Variants in KAZN observed in about 807,000 individuals in gnomAD.
KAZN encodes kazrin.
KAZN carries 40 observed loss-of-function variants against 87.4 expected under a neutral mutation model. The observed-to-expected ratio is 0.46, with a 90% CI of 0.36 to 0.60. The LOEUF (loss-of-function observed/expected upper bound fraction) is 0.60, where lower values mean the gene tolerates loss of function less well. KAZN is among the 20% of genes least tolerant of loss of function. The pLI is 0.00. For missense variants in KAZN, 898 were observed against 1,073.9 expected, an observed-to-expected ratio of 0.84 and a Z score of 2.29; for synonymous variants, 466 against 458.3, an observed-to-expected ratio of 1.02 and a Z score of -0.22.
intron 10 of KAZN, among the ~76,000 whole-genome samples, chr1:15,098,451 T>C (rs533619846): frequency 6.6e-6 from 1 of 152,376 alleles, no homozygotes; most frequent in Admixed American, 6.5e-5. Context: ...TGATTATGGA[T>C]GGGCCCCTCT....
chr1:14,066,214 A>C (rs1643003364), intron 1 of KAZN, among the ~76,000 whole-genome samples: 1 of 152,088 alleles, frequency 6.6e-6, no homozygotes, highest in Non-Finnish European at 1.5e-5. Flanking sequence ...TTATCCACTC[A>C]TCAGTTTGTG....
chr1:14,931,367 C>T (rs1401824302), intron 1 of KAZN, among the ~76,000 whole-genome samples: 2 of 152,078 alleles, frequency 1.3e-5, no homozygotes, highest in South Asian at 2.1e-4. Flanking sequence ...TTGATTGAAT[C>T]CAGGAGAAGA....
intron 2 of KAZN, among the ~76,000 whole-genome samples, chr1:14,398,189 T>C (rs1352451166): frequency 2.0e-5 from 3 of 152,232 alleles, no homozygotes; most frequent in Non-Finnish European, 4.4e-5. Context: ...TTGAGTTAGT[T>C]GGTTATGCAA....
chr1:15,058,713 G>A (rs1370055699), intron 5 of KAZN, among the ~76,000 whole-genome samples: 2 of 152,156 alleles, frequency 1.3e-5, no homozygotes, highest in South Asian at 2.1e-4. Context: ...GATATGATAT[G>A]TAAATATACT....
intron 1 of KAZN, among the ~76,000 whole-genome samples, chr1:14,958,085 C>T (rs552112278): frequency 6.6e-6 from 1 of 152,212 alleles, no homozygotes; most frequent in Non-Finnish European, 1.5e-5. Context: ...CCTCAGGGCT[C>T]AGCCCTGCTC....
chr1:14,025,771 G>A (rs1641042831), intron 1 of KAZN, among the ~76,000 whole-genome samples: 1 of 152,030 alleles, frequency 6.6e-6, no homozygotes, highest in South Asian at 2.1e-4. Flanking sequence ...TAGCCAATAT[G>A]GGTAATGGCT....
At chr1:14,386,518 A>G (rs1480320283) in intron 2 of KAZN, among the ~76,000 whole-genome samples, 13 of 151,706 alleles carry the variant, frequency 8.6e-5, no homozygotes, top group Non-Finnish European at 1.6e-4. Flanking sequence ...GGTGGTGACA[A>G]AATCTCTCAG....
intron 2 of KAZN, among the ~76,000 whole-genome samples, chr1:15,027,332 G>A (rs1365096393): frequency 4.6e-5 from 7 of 151,402 alleles, no homozygotes; most frequent in African/African-American, 1.7e-4. Context: ...TGCCCGCCTC[G>A]GCCTCCCAAA....
chr1:14,609,087 A>G (rs1401431818), intron 1 of KAZN, among the ~76,000 whole-genome samples: 1 of 152,202 alleles, frequency 6.6e-6, no homozygotes, highest in Non-Finnish European at 1.5e-5. Context: ...ACTTGGGGAA[A>G]CATGACCTGG....
chr1:14,550,739 C>CTCTCCCTCTCTCT (rs1480745409), intron 2 of KAZN, among the ~76,000 whole-genome samples: 1 of 69,968 alleles, frequency 1.4e-5, no homozygotes, highest in Admixed American at 1.4e-4. Flanking sequence ...CTCTCTCTCT[C>CTCTCCCTCTCTCT]CCCCACCCCG....
chr1:14,747,068 G>A (rs72868433), intron 1 of KAZN, among the ~76,000 whole-genome samples: 2,468 of 152,046 alleles, frequency 0.016, 75 homozygotes, highest in African/African-American at 0.054. Context: ...TAAGTACCCC[G>A]TATAAGCAGA....
chr1:14,616,311 C>T (rs1293327504), intron 1 of KAZN, among the ~76,000 whole-genome samples: 2 of 152,166 alleles, frequency 1.3e-5, no homozygotes, highest in Non-Finnish European at 2.9e-5. Flanking sequence ...CAGATCTGTG[C>T]CGCAGATCCC....
At chr1:14,056,686 T>G (rs1642574971) in intron 1 of KAZN, among the ~76,000 whole-genome samples, 1 of 152,192 alleles carries the variant, frequency 6.6e-6, no homozygotes. Context: ...GGTTTGTTCA[T>G]GATCACACAG....
intron 2 of KAZN, among the ~76,000 whole-genome samples, chr1:14,500,113 C>T (rs12086025): frequency 0.53 from 80,205 of 151,974 alleles, 21,739 homozygotes; most frequent in Middle Eastern, 0.67. Flanking sequence ...AAAGAGAAGG[C>T]CACAAAGGCA....
intron 2 of KAZN, among the ~76,000 whole-genome samples, chr1:14,237,390 A>T (rs942103431): frequency 6.6e-6 from 1 of 152,156 alleles, no homozygotes; most frequent in African/African-American, 2.4e-5. Context: ...CAAATTGCAA[A>T]GAGATCAGAC....
intron 1 of KAZN, among the ~76,000 whole-genome samples, chr1:14,640,205 A>G (rs1355484947): frequency 6.6e-6 from 1 of 151,254 alleles, no homozygotes; most frequent in East Asian, 1.9e-4. Context: ...ATACTGCTTA[A>G]TAAAATCATG....
intron 2 of KAZN, among the ~76,000 whole-genome samples, chr1:14,973,671 G>A (rs750060702): frequency 1.3e-5 from 2 of 152,070 alleles, no homozygotes; most frequent in African/African-American, 2.4e-5. Flanking sequence ...TTGGTACTGT[G>A]GCATGCCTGG....
intron 2 of KAZN, among the ~76,000 whole-genome samples, chr1:14,431,555 C>G (rs1418074725): frequency 2.0e-5 from 3 of 152,118 alleles, no homozygotes; most frequent in Admixed American, 2.0e-4. Context: ...ACATTTGAGT[C>G]GGTGGACTGG....
chr1:14,431,104 C>G (rs1666041737), intron 2 of KAZN, among the ~76,000 whole-genome samples: 1 of 152,052 alleles, frequency 6.6e-6, no homozygotes, highest in African/African-American at 2.4e-5. Flanking sequence ...AATGGGTGAC[C>G]AAATGAATAC....
Sources: gnomAD v4.1 joint callset for allele counts (sites outside exome capture counted in the v4.1 genomes callset) on GRCh38, gnomAD v4.1.1 for gene constraint, MANE v1.5 for transcripts, NCBI Gene and HGNC (gene_info 2026-07-23, HGNC 2026-07-21) for gene names.